The following MFAP3L variants were observed in gnomAD, a reference collection of about 807,000 sequenced individuals.
MFAP3L encodes microfibrillar-associated protein 3-like.
A neutral mutation model predicts 20.0 loss-of-function variants in MFAP3L; 5 were observed. The observed-to-expected ratio is 0.25, with a 90% CI of 0.13 to 0.53. The LOEUF (loss-of-function observed/expected upper bound fraction) is 0.53, where lower values mean the gene tolerates loss of function less well. Among genes scored for constraint, MFAP3L ranks in the 20% least tolerant of loss-of-function variants. The probability of loss-of-function intolerance (pLI) is 0.96; values close to 1 mark genes in which losing one functional copy is unlikely to be tolerated. For synonymous variants in MFAP3L, 219 were observed against 213.0 expected (o/e 1.03, Z -0.25); for missense variants, 409 against 527.5 (o/e 0.78, Z 2.20).
intron 1 of MFAP3L, among the ~76,000 whole-genome samples, chr4:170,011,781 C>T (rs901826283): frequency 2.2e-4 from 33 of 152,046 alleles, no homozygotes; most frequent in Non-Finnish European, 7.4e-5. Context: ...CAAAGATCCA[C>T]TGGGGCACCA....
At chr4:169,994,091 A>G (rs1737950909) in intron 2 of MFAP3L, 6 of 841,276 alleles carry the variant, frequency 7.1e-6, no homozygotes, top group Non-Finnish European at 8.6e-6. Context: ...TACAGCAGGC[A>G]TGGACAAAAA....
At chr4:170,025,451 C>T (rs1740290416) in intron 1 of MFAP3L, among the ~76,000 whole-genome samples, 1 of 152,192 alleles carries the variant, frequency 6.6e-6, no homozygotes, top group African/African-American at 2.4e-5. Context: ...ACAGTTCGAT[C>T]GTATCTTAAC....
intron 1 of MFAP3L, among the ~76,000 whole-genome samples, chr4:170,012,650 C>T (rs1739453108): frequency 6.6e-6 from 1 of 152,210 alleles, no homozygotes. Flanking sequence ...AAATTAAGAG[C>T]TATACAGCAG....
intron 1 of MFAP3L, among the ~76,000 whole-genome samples, chr4:170,007,383 A>T (rs1008693861): frequency 6.6e-6 from 1 of 152,188 alleles, no homozygotes; most frequent in Non-Finnish European, 1.5e-5. Flanking sequence ...AAGCTGACCT[A>T]TTCGATACAG....
chr4:170,002,791 A>G (rs1369986688), intron 2 of MFAP3L, among the ~76,000 whole-genome samples: 1 of 152,018 alleles, frequency 6.6e-6, no homozygotes, highest in African/African-American at 2.4e-5. Context: ...TACAGGCATG[A>G]GCCACGCGCT....
chr4:170,012,013 A>G (rs991519999), intron 1 of MFAP3L, among the ~76,000 whole-genome samples: 1 of 152,182 alleles, frequency 6.6e-6, no homozygotes, highest in African/African-American at 2.4e-5. Context: ...GTAGGTTGGA[A>G]AGGCAGGCTG....
intron 1 of MFAP3L, among the ~76,000 whole-genome samples, chr4:170,014,736 A>G (rs1354391280): frequency 6.6e-6 from 1 of 152,200 alleles, no homozygotes; most frequent in African/African-American, 2.4e-5. Flanking sequence ...ATAATGAAAG[A>G]GCCCTTCTCA....
rs767090687 is a variant in MFAP3L, at chr4:169,991,358, A to G, written c.*20T>C. On this transcript the variant is annotated 3_prime_UTR_variant, in exon 3 of 3. Coordinates refer to ENST00000361618, the MANE Select transcript of MFAP3L (RefSeq NM_021647.8). The surrounding 1 kb of genome is among the most constrained non-coding windows in gnomAD (Gnocchi z 4.9). Reference sequence around the variant, plus strand: ...GCAGCCCCTGATTTTCTTGATATGCATAGCTTTTCGGGGTTGGTATTAGAC... The same window carrying G: ...GCAGCCCCTGATTTTCTTGATATGCGTAGCTTTTCGGGGTTGGTATTAGAC... The G allele has an allele frequency of 6.2e-7, 1 of 1,603,528 alleles. No homozygotes were observed.
At position 170,005,778 on chromosome 4, in the gene MFAP3L, T is replaced by C; in HGVS notation, c.100A>G (p.Ser34Gly). ...ACCACGTTAGTGCCATTTAAAGTGC[T>C]GTTAGTCACACTCTTAGCGGTGGCT... ...TLATAKSVTN[S>G]TLNGTNVVLG... The change falls in exon 2 of 3, where the codon AGC becomes GGC. Residue 34 changes from serine (S) to glycine (G), a missense_variant. Physicochemically the swap from Ser to Gly is moderately conservative, Grantham distance 56 (BLOSUM62 0). Around this residue, in one of 3 missense-constraint regions of MFAP3L, gnomAD observed 113 missense variants for 131.1 expected, o/e 0.86. Transcript: ENST00000361618. 8.1e-6 allele frequency: 13 copies of C among 1,614,246 alleles called. No homozygotes were observed. The highest frequency in any genetic ancestry group is 1.1e-5 in the Non-Finnish European group (13 of 1,180,046).
At chr4:170,026,907 C>G (rs1455706055), upstream of MFAP3L, 2 of 152,274 alleles carry the variant, frequency 1.3e-5, no homozygotes, top group Non-Finnish European at 2.9e-5. Context: ...CACCTTGCTT[C>G]CGAAAGCTTC....
chr4:169,993,937 G>A (rs1050838557), intron 2 of MFAP3L: 2 of 157,550 alleles, frequency 1.3e-5, no homozygotes, highest in African/African-American at 4.8e-5. Context: ...TGGGACATGG[G>A]CAAGGCTTCT....
At chr4:170,019,224 A>C (rs1345601064) in intron 1 of MFAP3L, among the ~76,000 whole-genome samples, 1 of 152,192 alleles carries the variant, frequency 6.6e-6, no homozygotes, top group Non-Finnish European at 1.5e-5. Flanking sequence ...ACAAATATAG[A>C]GCCCTTGCTA....
intron 2 of MFAP3L, among the ~76,000 whole-genome samples, chr4:169,993,205 T>C (rs1737865148): frequency 6.6e-6 from 1 of 152,150 alleles, no homozygotes; most frequent in Non-Finnish European, 1.5e-5. Flanking sequence ...AAGACCCCTG[T>C]GAAACATGAT....
chr4:169,994,681 G>T, intron 2 of MFAP3L: 1 of 435,800 alleles, frequency 2.3e-6, no homozygotes, highest in Non-Finnish European at 3.0e-6. Context: ...GTTAAAAGGG[G>T]CATAGCTTGG....
At chr4:170,004,002 GC>G (rs1738867593) in intron 2 of MFAP3L, among the ~76,000 whole-genome samples, 1 of 152,154 alleles carries the variant, frequency 6.6e-6, no homozygotes, top group South Asian at 2.1e-4. Flanking sequence ...TGTCGCCCAG[GC>G]TGTAGTGCAG....
chr4:170,011,646 T>C lies in MFAP3L; in HGVS notation c.-133-5636A>G, dbSNP rs144845543. Among the ~76,000 whole-genome samples, 954 of 152,132 alleles carry C rather than the reference T, an allele frequency of 6.3e-3. 6 individuals are homozygous for C. Among genetic ancestry groups the C allele is most frequent in the African/African-American group, 0.02 (850 of 41,496 alleles). On this transcript the variant is annotated intron_variant, in intron 1 of 2. Transcript: ENST00000361618. Reference sequence around the variant, plus strand: ...GGTGCACTGCCAGGGGTTGAGGCCTTCCCCCTCTTGTCAGAATCCGGAAGG... The same window carrying C: ...GGTGCACTGCCAGGGGTTGAGGCCTCCCCCCTCTTGTCAGAATCCGGAAGG...
chr4:170,018,882 G>A (rs371727480), intron 1 of MFAP3L, among the ~76,000 whole-genome samples: 1 of 152,164 alleles, frequency 6.6e-6, no homozygotes, highest in Non-Finnish European at 1.5e-5. Context: ...GCCGGGGGTG[G>A]GGCAGTGAAG....
chr4:170,012,805 A>G (rs1739464436), intron 1 of MFAP3L, among the ~76,000 whole-genome samples: 2 of 152,216 alleles, frequency 1.3e-5, no homozygotes, highest in African/African-American at 2.4e-5. Context: ...CAGCTACTTA[A>G]TGGGTAGAAC....
At chr4:170,024,232 T>C (rs1371643688) in intron 1 of MFAP3L, among the ~76,000 whole-genome samples, 1 of 152,226 alleles carries the variant, frequency 6.6e-6, no homozygotes, top group Non-Finnish European at 1.5e-5. Context: ...AGTATGTAAG[T>C]AAGTCTTTGA....
Sources: allele counts gnomAD v4.1 joint callset (sites outside exome capture counted in the v4.1 genomes callset), GRCh38; gene constraint gnomAD v4.1.1; regional missense constraint gnomAD v4.1.1; non-coding constraint Gnocchi (gnomAD v3.1); transcripts MANE v1.5; gene names NCBI Gene and HGNC (gene_info 2026-07-23, HGNC 2026-07-21).